Variants in SEMA6D observed in about 807,000 individuals in gnomAD.
The protein encoded by SEMA6D is semaphorin-6D.
In SEMA6D, 35 loss-of-function variants were observed where a neutral mutation model predicts 106.6. The ratio of observed to expected loss-of-function variants is 0.33; its 90% CI spans 0.25 to 0.44. The LOEUF is 0.44. Ranked by LOEUF, SEMA6D falls within the 20% of genes least tolerant of loss-of-function variation. The pLI, the probability that SEMA6D is intolerant of heterozygous loss-of-function variation, is 1.00. For synonymous variants in SEMA6D, 499 were observed against 487.7 expected (o/e 1.02, Z -0.31); for missense variants, 1,185 against 1,345.9 (o/e 0.88, Z 1.87).
intron 9 of SEMA6D, among the ~76,000 whole-genome samples, 184 bp downstream of exon 9, chr15:47,763,288 C>T (rs1011997824): frequency 5.9e-5 from 9 of 152,134 alleles, no homozygotes; most frequent in Non-Finnish European, 1.2e-4. Context: ...TGAACAATAA[C>T]CTGAGTGGGA....
intron 1 of SEMA6D, among the ~76,000 whole-genome samples, chr15:47,371,007 A>G (rs188365672): frequency 5.9e-5 from 9 of 152,380 alleles, no homozygotes; most frequent in Admixed American, 5.9e-4. Flanking sequence ...ACGTCCCGCC[A>G]GTCAGTTCCT....
chr15:47,422,547 A>G (rs778757026), intron 2 of SEMA6D, among the ~76,000 whole-genome samples: 1 of 151,978 alleles, frequency 6.6e-6, no homozygotes, highest in Non-Finnish European at 1.5e-5. Context: ...ACTTCATTGT[A>G]TTTTTCTGGT....
intron 4 of SEMA6D, among the ~76,000 whole-genome samples, chr15:47,659,160 T>C (rs556584949): frequency 6.6e-6 from 1 of 152,138 alleles, no homozygotes; most frequent in South Asian, 2.1e-4. Context: ...AGTCAGAGCA[T>C]TTCCAAAATA....
intron 1 of SEMA6D, among the ~76,000 whole-genome samples, chr15:47,270,919 C>T (rs1015443791): frequency 6.6e-6 from 1 of 151,852 alleles, no homozygotes; most frequent in African/African-American, 2.4e-5. Context: ...TGCTTGAACC[C>T]GGGCAACAGA....
At chr15:47,749,586 C>T (rs2081322249) in intron 1 of SEMA6D, among the ~76,000 whole-genome samples, 1 of 152,224 alleles carries the variant, frequency 6.6e-6, no homozygotes. Flanking sequence ...ACTCCAAGCT[C>T]TAAACCTATG....
intron 1 of SEMA6D, among the ~76,000 whole-genome samples, chr15:47,344,777 T>C (rs906940172): frequency 6.6e-6 from 1 of 152,200 alleles, no homozygotes; most frequent in Non-Finnish European, 1.5e-5. Context: ...AAAACTCTTT[T>C]GTTTGCAGAC....
intron 1 of SEMA6D, among the ~76,000 whole-genome samples, chr15:47,720,268 T>C (rs1033249931): frequency 7.1e-6 from 1 of 140,190 alleles, no homozygotes; most frequent in Admixed American, 6.8e-5. Flanking sequence ...TTTCTTTTTT[T>C]TTTTTTTTTT....
chr15:47,343,113 A>G (rs1247509792), intron 1 of SEMA6D, among the ~76,000 whole-genome samples: 1 of 152,046 alleles, frequency 6.6e-6, no homozygotes, highest in East Asian at 1.9e-4. Context: ...TCATCTATCT[A>G]TACTTTAATC....
intron 7 of SEMA6D, among the ~76,000 whole-genome samples, chr15:47,761,981 C>T (rs551321319): frequency 3.3e-5 from 5 of 152,188 alleles, no homozygotes; most frequent in East Asian, 1.9e-4. Context: ...CAGTGGCCCC[C>T]GATAAGTTGC....
chr15:47,747,221 GT>G (rs966034281), intron 1 of SEMA6D, among the ~76,000 whole-genome samples: 1 of 152,038 alleles, frequency 6.6e-6, no homozygotes, highest in African/African-American at 2.4e-5. Flanking sequence ...TTCAATTTGA[GT>G]TAGGGCAGAA....
intron 1 of SEMA6D, among the ~76,000 whole-genome samples, chr15:47,268,323 C>G (rs1432485237): frequency 6.6e-6 from 1 of 152,122 alleles, no homozygotes; most frequent in Non-Finnish European, 1.5e-5. Flanking sequence ...ATGTAAATCA[C>G]TTCTTTTTGT....
chr15:47,575,644 G>A (rs777517927), intron 3 of SEMA6D, among the ~76,000 whole-genome samples: 6 of 152,208 alleles, frequency 3.9e-5, no homozygotes, highest in South Asian at 2.1e-4. Context: ...GCTTCAACCC[G>A]AAAGGCGGAG....
chr15:47,626,826 T>A (rs1197477466), intron 4 of SEMA6D, among the ~76,000 whole-genome samples: 1 of 151,828 alleles, frequency 6.6e-6, no homozygotes, highest in African/African-American at 2.4e-5. Context: ...GAAAAAAAAA[T>A]TCAATGCTTT....
intron 4 of SEMA6D, among the ~76,000 whole-genome samples, chr15:47,633,851 A>T (rs1465879621): frequency 6.6e-6 from 1 of 151,758 alleles, no homozygotes; most frequent in East Asian, 1.9e-4. Flanking sequence ...AATTAGGTAA[A>T]CTCTATTGAG....
At chr15:47,348,720 A>ACACACAC (rs2038170121) in intron 1 of SEMA6D, among the ~76,000 whole-genome samples, 4 of 24,672 alleles carry the variant, frequency 1.6e-4, no homozygotes, top group African/African-American at 3.6e-4. Context: ...CACACACACC[A>ACACACAC]CACACACAGA....
At chr15:47,690,784 G>A (rs113896977) in intron 4 of SEMA6D, among the ~76,000 whole-genome samples, 2,831 of 137,948 alleles carry the variant, frequency 0.021, 94 homozygotes, top group African/African-American at 0.066. Flanking sequence ...TGTAGAAACC[G>A]GGCTATTTTT....
chr15:47,640,827 G>C (rs566215066), intron 4 of SEMA6D, among the ~76,000 whole-genome samples: 18 of 151,970 alleles, frequency 1.2e-4, no homozygotes, highest in African/African-American at 3.9e-4. Context: ...ATGACCACAG[G>C]CCAGTCTGGA....
intron 4 of SEMA6D, among the ~76,000 whole-genome samples, chr15:47,680,255 G>GT (rs1281247321): frequency 6.6e-6 from 1 of 151,976 alleles, no homozygotes; most frequent in African/African-American, 2.4e-5. Context: ...TCTTCCTACT[G>GT]TTTTTTATAA....
At chr15:47,581,432 A>T in intron 3 of SEMA6D, 3 of 476,158 alleles carry the variant, frequency 6.3e-6, no homozygotes, top group Non-Finnish European at 8.3e-6. Flanking sequence ...ATCAGGGAAC[A>T]TAGCTGAAAG....
Sources: allele counts gnomAD v4.1 joint callset (sites outside exome capture counted in the v4.1 genomes callset), GRCh38; gene constraint gnomAD v4.1.1; transcripts MANE v1.5; gene names NCBI Gene and HGNC (gene_info 2026-07-23, HGNC 2026-07-21).